The following GPM6A variants were observed in gnomAD, a reference collection of about 807,000 sequenced individuals.
GPM6A encodes glycoprotein M6A.
In GPM6A, 7 loss-of-function variants were observed where a neutral mutation model predicts 32.1. The ratio of observed to expected loss-of-function variants is 0.22; its 90% CI spans 0.12 to 0.41. The LOEUF (loss-of-function observed/expected upper bound fraction) is 0.41, where lower values mean the gene tolerates loss of function less well. Ranked by LOEUF, GPM6A falls within the 10% of genes least tolerant of loss-of-function variation. The pLI, the probability that GPM6A is intolerant of heterozygous loss-of-function variation, is 1.00. For missense variants in GPM6A, 235 were observed against 347.2 expected (o/e 0.68, Z 2.57); for synonymous variants, 130 against 123.4 (o/e 1.05, Z -0.35).
intron 1 of GPM6A, among the ~76,000 whole-genome samples, chr4:175,798,107 A>T (rs1435757299): frequency 6.6e-6 from 1 of 152,194 alleles, no homozygotes; most frequent in East Asian, 1.9e-4. Flanking sequence ...TTGAAGAGCT[A>T]CTCAGAATAT....
rs141286099 is a variant in GPM6A at position 175,657,900 on chromosome 4, C to T, written c.388-5913G>A. ...AAAGGGAAGAAAATGAACACCTGAA[C>T]ATACTATCACTACAACTGCAAAGGG... On this transcript the variant is annotated intron_variant, in intron 3 of 6. Coordinates refer to ENST00000393658, the MANE Select transcript of GPM6A (RefSeq NM_201591.3). 3.9e-5 allele frequency among the ~76,000 whole-genome samples: 6 copies of T among 152,234 alleles called. No homozygotes were observed. The East Asian group carries it at 1.2e-3, about 29-fold the overall frequency.
chr4:175,846,995 G>A (rs965391035), intron 1 of GPM6A, among the ~76,000 whole-genome samples: 1 of 152,052 alleles, frequency 6.6e-6, no homozygotes, highest in Non-Finnish European at 1.5e-5. Context: ...TGCTGTATAA[G>A]TAAGAGCCAA....
intron 1 of GPM6A, among the ~76,000 whole-genome samples, chr4:175,714,921 A>G (rs905797625): frequency 1.3e-5 from 2 of 151,414 alleles, no homozygotes; most frequent in African/African-American, 4.9e-5. Flanking sequence ...TCTGACTGTG[A>G]TACATAAGCC....
intron 1 of GPM6A, among the ~76,000 whole-genome samples, chr4:175,828,497 CAG>C (rs1306085660): frequency 6.6e-6 from 1 of 152,124 alleles, no homozygotes; most frequent in Non-Finnish European, 1.5e-5. Flanking sequence ...TTATTCTTTA[CAG>C]AGTGATTCTG....
chr4:175,874,167 T>A (rs1737006592), intron 1 of GPM6A, among the ~76,000 whole-genome samples: 1 of 152,100 alleles, frequency 6.6e-6, no homozygotes, highest in African/African-American at 2.4e-5. Context: ...CAGCCGCACA[T>A]CTTCATGTTC....
At chr4:175,660,887 A>G (rs1183538557) in intron 3 of GPM6A, among the ~76,000 whole-genome samples, 2 of 152,190 alleles carry the variant, frequency 1.3e-5, no homozygotes, top group African/African-American at 4.8e-5. Flanking sequence ...ACTTTTTACT[A>G]CCACCCCTGC....
At chr4:175,990,012 C>T (rs993348436) in intron 1 of GPM6A, among the ~76,000 whole-genome samples, 11 of 152,118 alleles carry the variant, frequency 7.2e-5, no homozygotes, top group Non-Finnish European at 1.2e-4. Context: ...GAAGTCATAC[C>T]AGATCATCCT....
rs371402260 is a variant in GPM6A at position 175,809,371 on chromosome 4, T to C, written c.37+2820A>G. Among the ~76,000 whole-genome samples the C allele has an allele frequency of 6.6e-5, 10 of 151,454 alleles. No homozygotes were observed. In the East Asian group the frequency reaches 1.5e-3, roughly 23 times the overall value. On this transcript the variant is annotated intron_variant, in intron 1 of 6. Coordinates refer to ENST00000393658, the MANE Select transcript of GPM6A (RefSeq NM_201591.3). ...AGTAAAGACCAAATTCAAAACACTC[T>C]TTTCTTTTTTTCCTTTTTTTTTTTC...
chr4:175,753,688 CT>C (rs1161023565), intron 1 of GPM6A, among the ~76,000 whole-genome samples: 1 of 152,130 alleles, frequency 6.6e-6, no homozygotes, highest in Non-Finnish European at 1.5e-5. Flanking sequence ...TAACAGCCTC[CT>C]TAATGGTCTT....
At chr4:175,696,683 G>T (rs2111051162) in intron 2 of GPM6A, among the ~76,000 whole-genome samples, 1 of 152,268 alleles carries the variant, frequency 6.6e-6, no homozygotes, top group East Asian at 1.9e-4. Flanking sequence ...CAGCAATTAG[G>T]TTTAATTGTC....
chr4:175,987,551 T>TGTGA (rs1330458499), intron 1 of GPM6A, among the ~76,000 whole-genome samples: 3 of 151,616 alleles, frequency 2.0e-5, no homozygotes, highest in Non-Finnish European at 4.4e-5. Context: ...TGTGTGTGTG[T>TGTGA]GTTTGTCTTT....
At chr4:175,939,931 C>A (rs895676773) in intron 1 of GPM6A, among the ~76,000 whole-genome samples, 1 of 151,630 alleles carries the variant, frequency 6.6e-6, no homozygotes, top group Non-Finnish European at 1.5e-5. Context: ...TGGTTCCAGA[C>A]TACATATAAT....
chr4:175,653,334 C>T (rs1309312219), intron 3 of GPM6A, among the ~76,000 whole-genome samples: 1 of 152,084 alleles, frequency 6.6e-6, no homozygotes, highest in Non-Finnish European at 1.5e-5. Context: ...CCCAGTACTT[C>T]AGAACCCCAG....
chr4:175,705,469 C>A (rs891437756), intron 1 of GPM6A, among the ~76,000 whole-genome samples: 8 of 152,206 alleles, frequency 5.3e-5, no homozygotes, highest in Non-Finnish European at 1.0e-4. Context: ...CCCCACTCTT[C>A]CACAGAGCCC....
chr4:175,941,220 A>C (rs1057272205), intron 1 of GPM6A, among the ~76,000 whole-genome samples: 1 of 152,218 alleles, frequency 6.6e-6, no homozygotes, highest in Non-Finnish European at 1.5e-5. Context: ...TTCGGTTTCT[A>C]AATAATGAAC....
Position 175,640,176 on chromosome 4 carries a change from A to G in GPM6A, c.637T>C (p.Leu213=), listed in dbSNP as rs1280062138. 6.2e-7 allele frequency: 1 copy of G among 1,613,684 alleles called. No individual in the cohort carries two copies. The highest frequency in any genetic ancestry group is 1.3e-5 in the African/African-American group (1 of 74,916). Reference sequence around the variant, plus strand: ...GCTCCAGCAAGTGCCACAATAAACAAGTGGAAGGTCATGTTCAGCTGCAAT... The same window carrying G: ...GCTCCAGCAAGTGCCACAATAAACAGGTGGAAGGTCATGTTCAGCTGCAAT... ...ESTELNMTFH[L]FIVALAGAGA... is the part of the protein sequence containing the mutation. The change falls in exon 6 of 7, where the codon TTG becomes CTG. Residue 213 remains leucine, a synonymous_variant. Coordinates refer to ENST00000393658, the MANE Select transcript of GPM6A (RefSeq NM_201591.3).
At chr4:175,938,749 A>AAG (rs397808549) in intron 1 of GPM6A, among the ~76,000 whole-genome samples, 2 of 151,684 alleles carry the variant, frequency 1.3e-5, no homozygotes, top group Admixed American at 6.6e-5. Flanking sequence ...AAAAAAAAAA[A>AAG]GAAATGACAA....
chr4:175,819,300 CTT>C (rs764154957), intron 1 of GPM6A, among the ~76,000 whole-genome samples: 1 of 152,116 alleles, frequency 6.6e-6, no homozygotes, highest in Non-Finnish European at 1.5e-5. Flanking sequence ...AAAGAATAAA[CTT>C]TATAGCTCAC....
intron 2 of GPM6A, among the ~76,000 whole-genome samples, chr4:175,694,551 A>C (rs1744471169): frequency 6.6e-6 from 1 of 152,144 alleles, no homozygotes; most frequent in Non-Finnish European, 1.5e-5. Flanking sequence ...AGTGGAAGAA[A>C]TTTCTAAGCA....
Sources: gnomAD v4.1 joint callset for allele counts (sites outside exome capture counted in the v4.1 genomes callset) on GRCh38, gnomAD v4.1.1 for gene constraint, MANE v1.5 for transcripts, NCBI Gene and HGNC (gene_info 2026-07-23, HGNC 2026-07-21) for gene names.